PELI2: variants seen among roughly 807,000 people sequenced by gnomAD.
PELI2 encodes the protein pellino E3 ubiquitin protein ligase family member 2, also known as E3 ubiquitin-protein ligase pellino homolog 2.
A neutral mutation model predicts 42.3 loss-of-function variants in PELI2; 23 were observed. The observed-to-expected ratio is 0.54, with a 90% CI of 0.39 to 0.77. The LOEUF (loss-of-function observed/expected upper bound fraction) is 0.77. Ranked by LOEUF, PELI2 falls within the 30% of genes least tolerant of loss-of-function variation. The pLI is 0.00. For missense variants in PELI2, 463 were observed against 553.2 expected (o/e 0.84, Z 1.64); for synonymous variants, 245 against 212.2 (o/e 1.15, Z -1.34).
At chr14:56,263,486 C>T (rs1015464496) in intron 2 of PELI2, among the ~76,000 whole-genome samples, 2 of 151,832 alleles carry the variant, frequency 1.3e-5, no homozygotes, top group Non-Finnish European at 2.9e-5. Context: ...AAAATGATTG[C>T]CACAGAATAG....
At chr14:56,166,775 GT>G (rs35331071) in intron 1 of PELI2, among the ~76,000 whole-genome samples, 2 of 150,728 alleles carry the variant, frequency 1.3e-5, no homozygotes, top group Non-Finnish European at 3.0e-5. Flanking sequence ...TTGTTGATTG[GT>G]TTTTTTTTCT....
chr14:56,128,955 G>A (rs548284898), intron 1 of PELI2, among the ~76,000 whole-genome samples: 4 of 152,220 alleles, frequency 2.6e-5, no homozygotes, highest in African/African-American at 7.2e-5. Flanking sequence ...GGGTGAGTTA[G>A]CTAAGGGTTA....
At chr14:56,258,029 T>G (rs1212231904) in intron 2 of PELI2, among the ~76,000 whole-genome samples, 2 of 152,210 alleles carry the variant, frequency 1.3e-5, no homozygotes, top group Non-Finnish European at 2.9e-5. Context: ...AGCAATAGGC[T>G]GAACAACTTC....
intron 2 of PELI2, among the ~76,000 whole-genome samples, chr14:56,278,816 T>C (rs1056126325): frequency 1.3e-5 from 2 of 152,176 alleles, no homozygotes; most frequent in African/African-American, 4.8e-5. Context: ...CTTATTAAAA[T>C]TTTGTTATAC....
intron 1 of PELI2, among the ~76,000 whole-genome samples, chr14:56,141,420 G>T (rs547480442): frequency 5.3e-5 from 8 of 152,140 alleles, no homozygotes; most frequent in Non-Finnish European, 7.4e-5. Flanking sequence ...ACATCTTTTC[G>T]TCTTTGGTCT....
At chr14:56,152,989 T>C (rs1158230579) in intron 1 of PELI2, among the ~76,000 whole-genome samples, 1 of 152,220 alleles carries the variant, frequency 6.6e-6, no homozygotes, top group Non-Finnish European at 1.5e-5. Context: ...CACCTACCTC[T>C]GCAGTTCCAA....
At chr14:56,171,763 C>G (rs1885178283) in intron 1 of PELI2, among the ~76,000 whole-genome samples, 1 of 151,576 alleles carries the variant, frequency 6.6e-6, no homozygotes, top group Non-Finnish European at 1.5e-5. Context: ...TGCCTGTAAT[C>G]CCAGCACTTT....
At chr14:56,290,178 C>T in intron 4 of PELI2, 90 bp from the exon 5 acceptor site, 1 of 984,388 alleles carries the variant, frequency 1.0e-6, no homozygotes, top group Non-Finnish European at 1.5e-6. Context: ...TCCCCTCTGC[C>T]TCTATGCAAT....
chr14:56,217,863 T>C (rs1479884815), intron 2 of PELI2, among the ~76,000 whole-genome samples: 1 of 152,196 alleles, frequency 6.6e-6, no homozygotes, highest in Non-Finnish European at 1.5e-5. Flanking sequence ...CTCGCAGATC[T>C]GTTAGCAAAT....
rs536198411 is a variant in PELI2 at position 56,264,914 on chromosome 14, GA to G, written c.208-14761del. Among the ~76,000 whole-genome samples, 150 of 152,206 alleles carry G rather than the reference GA, an allele frequency of 9.9e-4. 2 individuals are homozygous for G. The highest frequency in any genetic ancestry group is 3.4e-3 in the African/African-American group (140 of 41,540). On this transcript the variant is annotated intron_variant, in intron 2 of 5. Transcript: ENST00000267460. ...AATATAACTGTGAATGATGAGAATT[GA>G]CTGCACTTAGGGATAAATCTAAGAA...
At chr14:56,210,509 G>A (rs1288113809) in intron 2 of PELI2, among the ~76,000 whole-genome samples, 2 of 152,062 alleles carry the variant, frequency 1.3e-5, no homozygotes, top group African/African-American at 2.4e-5. Flanking sequence ...GAGACGAATA[G>A]GGAGGGCTTG....
At chr14:56,194,910 G>A (rs959210398) in intron 2 of PELI2, among the ~76,000 whole-genome samples, 8 of 152,174 alleles carry the variant, frequency 5.3e-5, no homozygotes, top group African/African-American at 1.9e-4. Flanking sequence ...AATAAGGACC[G>A]AGTGTTGATG....
intron 2 of PELI2, among the ~76,000 whole-genome samples, chr14:56,192,974 G>A (rs978160486): frequency 1.3e-5 from 2 of 152,154 alleles, no homozygotes; most frequent in Admixed American, 6.5e-5. Context: ...AAGCTGCATT[G>A]CTGTATCCTC....
intron 1 of PELI2, among the ~76,000 whole-genome samples, chr14:56,142,550 T>C (rs1191616695): frequency 6.6e-6 from 1 of 152,236 alleles, no homozygotes; most frequent in African/African-American, 2.4e-5. Context: ...TTCCACACCC[T>C]TCTCTTTGCA....
chr14:56,292,126 C>A (rs1056282960), intron 5 of PELI2, among the ~76,000 whole-genome samples: 4 of 152,140 alleles, frequency 2.6e-5, no homozygotes, highest in Non-Finnish European at 5.9e-5. Flanking sequence ...TACAGTGCGA[C>A]TGAAAAGAAC....
At chr14:56,241,555 T>A (rs77648011) in intron 2 of PELI2, among the ~76,000 whole-genome samples, 2,476 of 152,146 alleles carry the variant, frequency 0.016, 200 homozygotes, top group East Asian at 0.11. Context: ...GCACAGGAGT[T>A]GGGGGGAAGC....
rs554523811 is a variant in PELI2 at position 56,224,678 on chromosome 14, A to AT, written c.207+46220dup. Among the ~76,000 whole-genome samples, 133 of 152,244 alleles carry AT rather than the reference A, an allele frequency of 8.7e-4. 1 individual carries two copies. Among genetic ancestry groups the AT allele is most frequent in the African/African-American group, 2.8e-3 (115 of 41,534 alleles). On this transcript the variant is annotated intron_variant, in intron 2 of 5. Coordinates refer to ENST00000267460, the MANE Select transcript of PELI2 (RefSeq NM_021255.3). ...ACAAAAGCAAATCAGAATTTAATAT[A>AT]TTTTTTGTGTAATAGTTTGATTTCT...
At chr14:56,128,093 T>C (rs1374242073) in intron 1 of PELI2, among the ~76,000 whole-genome samples, 4 of 152,216 alleles carry the variant, frequency 2.6e-5, no homozygotes, top group Non-Finnish European at 5.9e-5. Context: ...TGGGATTGCC[T>C]GTACATACTA....
At position 56,292,734 on chromosome 14, in the gene PELI2, C is replaced by G. The variant is rs145675036; in HGVS notation, c.696+2278C>G. 1.5e-4 allele frequency: 150 copies of G among 970,686 alleles called. 1 individual carries two copies. In the East Asian group the frequency reaches 0.014, roughly 89 times the overall value. The allele number at this position is 970,686 out of a possible 1,614,324, so 60.1% of individuals were successfully genotyped here. ...ATTATTACAGCAAATGATGGAACCT[C>G]AGAACTGTGTACTAATCAACAAAAT... is the stretch of plus-strand genomic sequence containing the variant. On this transcript the variant is annotated intron_variant, in intron 5 of 5. Transcript: ENST00000267460.
Sources: allele counts gnomAD v4.1 joint callset (sites outside exome capture counted in the v4.1 genomes callset), GRCh38; gene constraint gnomAD v4.1.1; transcripts MANE v1.5; gene names NCBI Gene and HGNC (gene_info 2026-07-23, HGNC 2026-07-21).